The following RGS7 variants were observed in gnomAD, a reference collection of about 807,000 sequenced individuals.
RGS7 encodes the protein regulator of G protein signaling 7, also known as regulator of G-protein signaling 7.
A neutral mutation model predicts 81.1 loss-of-function variants in RGS7; 27 were observed. The ratio of observed to expected loss-of-function variants is 0.33; its 90% CI spans 0.25 to 0.46. The LOEUF is 0.46. RGS7 is among the 20% of genes least tolerant of loss of function. RGS7 has a pLI of 1.00. For synonymous variants in RGS7, 208 were observed against 207.7 expected (o/e 1.00, Z -0.01); for missense variants, 396 against 607.4 (o/e 0.65, Z 3.66).
At chr1:241,191,306 T>G (rs1234773564) in intron 2 of RGS7, among the ~76,000 whole-genome samples, 2 of 152,160 alleles carry the variant, frequency 1.3e-5, no homozygotes, top group Non-Finnish European at 2.9e-5. Flanking sequence ...TATGAGAATT[T>G]TTTTATCATA....
chr1:240,882,859 T>C (rs1334271382), intron 6 of RGS7, among the ~76,000 whole-genome samples: 1 of 152,214 alleles, frequency 6.6e-6, no homozygotes, highest in African/African-American at 2.4e-5. Flanking sequence ...AAATTGCTGA[T>C]GAAACAAAAT....
intron 5 of RGS7, among the ~76,000 whole-genome samples, chr1:240,935,391 T>C (rs1676449116): frequency 6.6e-6 from 1 of 152,216 alleles, no homozygotes; most frequent in African/African-American, 2.4e-5. Flanking sequence ...TTTAATAATA[T>C]GCTATTTTAA....
chr1:240,877,323 G>T (rs1665597370), intron 6 of RGS7, among the ~76,000 whole-genome samples: 1 of 149,148 alleles, frequency 6.7e-6, no homozygotes, highest in Non-Finnish European at 1.5e-5. Context: ...AATATATAAA[G>T]TAAAATATAT....
At chr1:241,211,082 CA>C (rs1468026552) in intron 2 of RGS7, among the ~76,000 whole-genome samples, 1 of 152,012 alleles carries the variant, frequency 6.6e-6, no homozygotes, top group African/African-American at 2.4e-5. Context: ...GTGGGGAGTT[CA>C]AAACCAGCCT....
At chr1:241,185,858 A>G (rs2072047930) in intron 2 of RGS7, among the ~76,000 whole-genome samples, 1 of 152,184 alleles carries the variant, frequency 6.6e-6, no homozygotes, top group African/African-American at 2.4e-5. Context: ...GAAAATTAAT[A>G]CCACCAAATG....
intron 2 of RGS7, among the ~76,000 whole-genome samples, chr1:241,142,525 T>C (rs963384906): frequency 2.6e-5 from 4 of 152,230 alleles, no homozygotes; most frequent in African/African-American, 7.2e-5. Flanking sequence ...AGGTTGAGGC[T>C]TTAACCCTGT....
intron 4 of RGS7, among the ~76,000 whole-genome samples, chr1:240,981,862 CGTATACT>C: frequency 6.6e-6 from 1 of 152,232 alleles, no homozygotes; most frequent in East Asian, 1.9e-4. Context: ...CTTGCATCTT[CGTATACT>C]GTTAATTCTA....
At chr1:241,154,218 T>G (rs1290680062) in intron 2 of RGS7, among the ~76,000 whole-genome samples, 1 of 152,162 alleles carries the variant, frequency 6.6e-6, no homozygotes, top group African/African-American at 2.4e-5. Flanking sequence ...TAGTGGAGGC[T>G]CGCTCTTCTG....
chr1:240,936,769 T>C, intron 4 of RGS7, 63 bp from the exon 5 acceptor site: 2 of 1,259,248 alleles, frequency 1.6e-6, no homozygotes. Flanking sequence ...TTTATAGGAA[T>C]GTAACGTTTT....
intron 10 of RGS7, among the ~76,000 whole-genome samples, chr1:240,817,833 C>T (rs77782541): frequency 6.6e-6 from 1 of 152,124 alleles, no homozygotes; most frequent in Admixed American, 6.5e-5. Context: ...GAACTCCTGA[C>T]CTCAGGCGAC....
intron 2 of RGS7, among the ~76,000 whole-genome samples, chr1:241,277,600 TAAAACGAGACTCCATCTCA>T (rs2078263983): frequency 1.4e-5 from 2 of 141,348 alleles, no homozygotes; most frequent in Non-Finnish European, 3.1e-5. Context: ...GCCTGGGCGA[TAAAACGAGACTCCATCTCA>T]AAAAAAAAAA....
chr1:241,119,445 T>C (rs1184015876), intron 2 of RGS7, among the ~76,000 whole-genome samples: 1 of 152,212 alleles, frequency 6.6e-6, no homozygotes, highest in African/African-American at 2.4e-5. Context: ...ACTCCACAGG[T>C]AGTAGTCAGT....
chr1:240,933,583 T>G (rs989116145), intron 5 of RGS7, among the ~76,000 whole-genome samples: 4 of 151,702 alleles, frequency 2.6e-5, no homozygotes, highest in Non-Finnish European at 5.9e-5. Context: ...ACTCTTACAG[T>G]TTTTTTTGGA....
At chr1:240,881,374 T>C (rs1237337571) in intron 6 of RGS7, among the ~76,000 whole-genome samples, 1 of 151,914 alleles carries the variant, frequency 6.6e-6, no homozygotes, top group Admixed American at 6.6e-5. Flanking sequence ...AGGGGAAGGA[T>C]AGTATTAGGA....
At chr1:241,030,124 A>T (rs2059993996) in intron 3 of RGS7, among the ~76,000 whole-genome samples, 1 of 152,032 alleles carries the variant, frequency 6.6e-6, no homozygotes, top group East Asian at 1.9e-4. Context: ...ATGCTTGGCA[A>T]TTTACTTAAG....
intron 3 of RGS7, among the ~76,000 whole-genome samples, chr1:241,036,092 C>A (rs2060311373): frequency 6.6e-6 from 1 of 152,228 alleles, no homozygotes; most frequent in South Asian, 2.1e-4. Context: ...TGTTAAGGAA[C>A]AAATAAAAAG....
At chr1:241,122,410 C>A (rs561418497) in intron 2 of RGS7, among the ~76,000 whole-genome samples, 45 of 152,202 alleles carry the variant, frequency 3.0e-4, no homozygotes, top group African/African-American at 1.1e-3. Flanking sequence ...TGCCTGTAAT[C>A]CCAGAACTTT....
At chr1:241,005,544 T>A (rs890703181) in intron 3 of RGS7, among the ~76,000 whole-genome samples, 20 of 152,286 alleles carry the variant, frequency 1.3e-4, no homozygotes, top group African/African-American at 4.8e-4. Context: ...TTATTTACTT[T>A]TTATTTTTTG....
At chr1:240,893,505 C>T (rs1316593854) in intron 6 of RGS7, among the ~76,000 whole-genome samples, 1 of 152,020 alleles carries the variant, frequency 6.6e-6, no homozygotes, top group Non-Finnish European at 1.5e-5. Context: ...AACCACATTT[C>T]TCTGAAAATT....
Sources: gnomAD v4.1 joint callset for allele counts (sites outside exome capture counted in the v4.1 genomes callset) on GRCh38, gnomAD v4.1.1 for gene constraint, MANE v1.5 for transcripts, NCBI Gene and HGNC (gene_info 2026-07-23, HGNC 2026-07-21) for gene names.